The following SND1 variants were observed in gnomAD, a reference collection of about 807,000 sequenced individuals.
SND1 encodes the protein staphylococcal nuclease domain-containing protein 1.
SND1 carries 38 observed loss-of-function variants against 121.7 expected under a neutral mutation model. The ratio of observed to expected loss-of-function variants is 0.31; its 90% CI spans 0.24 to 0.41. The LOEUF (loss-of-function observed/expected upper bound fraction) is 0.41, where lower values mean the gene tolerates loss of function less well. Among genes scored for constraint, SND1 ranks in the 10% least tolerant of loss-of-function variants. The probability of loss-of-function intolerance (pLI) is 1.00; values close to 1 mark genes in which losing one functional copy is unlikely to be tolerated. For missense variants in SND1, 868 were observed against 1,184.6 expected (o/e 0.73, Z 3.92); for synonymous variants, 401 against 447.4 (o/e 0.90, Z 1.31).
intron 14 of SND1, among the ~76,000 whole-genome samples, chr7:127,926,334 T>C (rs1800831997): frequency 2.0e-5 from 3 of 152,174 alleles, no homozygotes; most frequent in Non-Finnish European, 4.4e-5. Context: ...TAATTGACTT[T>C]ATAAGAACTT....
chr7:127,944,466 A>G (rs986572861), intron 15 of SND1, among the ~76,000 whole-genome samples: 6 of 152,276 alleles, frequency 3.9e-5, no homozygotes, highest in South Asian at 4.1e-4. Flanking sequence ...CGCCTGCTCA[A>G]TGGCCCCGTT....
At chr7:127,775,753 A>G (rs963217563) in intron 10 of SND1, among the ~76,000 whole-genome samples, 2 of 151,916 alleles carry the variant, frequency 1.3e-5, no homozygotes, top group East Asian at 3.9e-4. Flanking sequence ...TTGCTATGTT[A>G]CTCAGCTGCC....
chr7:128,092,195 G>T lies in SND1; in HGVS notation c.*137G>T. The T allele has an allele frequency of 1.1e-6, 1 of 944,108 alleles. No homozygotes were observed. Among genetic ancestry groups the T allele is most frequent in the Non-Finnish European group, 1.6e-6 (1 of 618,466 alleles). 58.5% of individuals were successfully genotyped at this position (944,108 alleles called of 1,614,324 possible). The stretch of plus-strand genomic sequence containing the variant: ...TTGCTTCAGTGTGTGGAAATGTCTC[G>T]TGGGGTGGCATCGGGGCTGCGGGGT... On this transcript the variant is annotated 3_prime_UTR_variant, in exon 24 of 24. Coordinates refer to ENST00000354725, the MANE Select transcript of SND1 (RefSeq NM_014390.4). The surrounding 1 kb of genome is among the most constrained non-coding windows in gnomAD (Gnocchi z 4.9).
intron 10 of SND1, among the ~76,000 whole-genome samples, chr7:127,773,990 A>G (rs1189572287): frequency 6.6e-6 from 1 of 152,204 alleles, no homozygotes; most frequent in African/African-American, 2.4e-5. Flanking sequence ...TTCCAGTCGT[A>G]TAATAATAAT....
chr7:127,955,157 T>C (rs928741238), intron 15 of SND1, among the ~76,000 whole-genome samples: 4 of 152,134 alleles, frequency 2.6e-5, no homozygotes, highest in African/African-American at 9.7e-5. Flanking sequence ...ATAAGGAGAA[T>C]GCCTTATTTA....
At chr7:127,967,773 C>T (rs1297340367) in intron 15 of SND1, among the ~76,000 whole-genome samples, 1 of 152,188 alleles carries the variant, frequency 6.6e-6, no homozygotes, top group African/African-American at 2.4e-5. Context: ...AAAATATTTC[C>T]AAGAGATATC....
intron 15 of SND1, among the ~76,000 whole-genome samples, 190 bp from the exon 16 acceptor site, chr7:127,990,757 G>A (rs1339036659): frequency 6.6e-6 from 1 of 152,154 alleles, no homozygotes; most frequent in East Asian, 1.9e-4. Flanking sequence ...GATAGTGTTG[G>A]TTTTTTCCAC....
chr7:127,963,444 C>T (rs1432917414), intron 15 of SND1, among the ~76,000 whole-genome samples: 1 of 137,542 alleles, frequency 7.3e-6, no homozygotes, highest in Non-Finnish European at 1.5e-5. Context: ...TGATATTCCC[C>T]TTCCTGTGTC....
At chr7:127,857,996 C>T in intron 12 of SND1, 2 of 1,458,068 alleles carry the variant, frequency 1.4e-6, no homozygotes, top group Non-Finnish European at 1.9e-6. Context: ...TGCAGCTCGG[C>T]ATCCCCCGGG....
chr7:128,087,716 G>T (rs755603299), intron 21 of SND1, among the ~76,000 whole-genome samples: 1 of 152,182 alleles, frequency 6.6e-6, no homozygotes, highest in Non-Finnish European at 1.5e-5. Flanking sequence ...AAAACCATGC[G>T]GTGTACAAGA....
intron 15 of SND1, among the ~76,000 whole-genome samples, chr7:127,967,213 A>G (rs1413788468): frequency 6.6e-6 from 1 of 152,126 alleles, no homozygotes; most frequent in Non-Finnish European, 1.5e-5. Context: ...CGGAGGCAAT[A>G]CTGAAAGCAT....
intron 5 of SND1, 68 bp from the exon 6 acceptor site, chr7:127,702,367 T>C: frequency 7.0e-7 from 1 of 1,430,996 alleles, no homozygotes; most frequent in Non-Finnish European, 9.9e-7. Context: ...AAGTGCAGTT[T>C]GATTGGGCAG....
chr7:128,005,999 C>T (rs1185890732), intron 16 of SND1, among the ~76,000 whole-genome samples: 2 of 152,150 alleles, frequency 1.3e-5, no homozygotes, highest in African/African-American at 2.4e-5. Context: ...TGTGAACTGG[C>T]TCTGCTTTTG....
At chr7:127,952,850 A>G (rs1801494050) in intron 15 of SND1, among the ~76,000 whole-genome samples, 1 of 152,180 alleles carries the variant, frequency 6.6e-6, no homozygotes, top group Non-Finnish European at 1.5e-5. Context: ...ACTGTAGCAC[A>G]AGTAAGAGAA....
chr7:127,753,195 G>A (rs1003769746), intron 10 of SND1, among the ~76,000 whole-genome samples: 1 of 152,200 alleles, frequency 6.6e-6, no homozygotes, highest in Non-Finnish European at 1.5e-5. Context: ...GTTTGACTCA[G>A]AGTTTGATGT....
intron 16 of SND1, among the ~76,000 whole-genome samples, chr7:128,060,804 A>C (rs922159269): frequency 1.6e-4 from 25 of 152,282 alleles, no homozygotes; most frequent in Non-Finnish European, 2.9e-4. Context: ...GTTCTTATTC[A>C]AGGGTGGGGT....
At chr7:127,778,791 C>T (rs1797667456) in intron 10 of SND1, among the ~76,000 whole-genome samples, 1 of 152,164 alleles carries the variant, frequency 6.6e-6, no homozygotes. Context: ...CTCAGGCTTA[C>T]TTAGTGGCTC....
At chr7:127,695,781 A>AT (rs1178163712) in intron 3 of SND1, among the ~76,000 whole-genome samples, 1 of 152,188 alleles carries the variant, frequency 6.6e-6, no homozygotes, top group African/African-American at 2.4e-5. Context: ...AGCCATGATC[A>AT]TGCCACTGCA....
chr7:127,929,465 A>G (rs1800916510), intron 15 of SND1, 136 bp downstream of exon 15: 1 of 864,956 alleles, frequency 1.2e-6, no homozygotes. Context: ...GGATATGCAA[A>G]CACAGTTTCT....
Sources: gnomAD v4.1 joint callset for allele counts (sites outside exome capture counted in the v4.1 genomes callset) on GRCh38, gnomAD v4.1.1 for gene constraint, Gnocchi (gnomAD v3.1) non-coding constraint, MANE v1.5 for transcripts, NCBI Gene and HGNC (gene_info 2026-07-23, HGNC 2026-07-21) for gene names.